The following ACACB variants were observed in gnomAD, a reference collection of about 807,000 sequenced individuals.
ACACB encodes the protein acetyl-CoA carboxylase 2.
ACACB carries 209 observed loss-of-function variants against 278.8 expected under a neutral mutation model. The observed-to-expected ratio is 0.75, with a 90% CI of 0.67 to 0.84. The LOEUF is 0.84. ACACB is among the 40% of genes least tolerant of loss of function. ACACB has a pLI of 0.00. For missense variants in ACACB, 2,850 were observed against 3,269.0 expected, an observed-to-expected ratio of 0.87 and a Z score of 3.13; for synonymous variants, 1,174 against 1,285.6, an observed-to-expected ratio of 0.91 and a Z score of 1.86.
intron 50 of ACACB, among the ~76,000 whole-genome samples, chr12:109,264,744 C>CA (rs1291904417): frequency 6.6e-6 from 1 of 152,110 alleles, no homozygotes; most frequent in Non-Finnish European, 1.5e-5. Context: ...CTCACCATTG[C>CA]AAGGACTCCC....
At chr12:109,181,253 A>C (rs1325318360) in intron 11 of ACACB, among the ~76,000 whole-genome samples, 20 of 132,944 alleles carry the variant, frequency 1.5e-4, no homozygotes, top group African/African-American at 5.3e-4. Context: ...TTTGAGATGC[A>C]GTCTCGCTCT....
Position 109,197,076 on chromosome 12 carries a change from C to G in ACACB, c.2550C>G (p.His850Gln). The G allele has an allele frequency of 6.3e-7, 1 of 1,595,768 alleles. No homozygotes were observed. Among genetic ancestry groups the G allele is most frequent in the South Asian group, 1.1e-5 (1 of 88,002 alleles). ...MNGCHIEIDA[H>Q]RLNDGGLLLS... ...GCTGCCACATCGAGATTGATGCCCA[C>G]CGGCTGAATGATGGGGGGCTCCTGC... The change falls in exon 17 of 53, where the codon CAC becomes CAG. Residue 850 changes from histidine to glutamine, a missense_variant. Transcript: ENST00000338432.
chr12:109,225,272 T>C (rs981516779), intron 27 of ACACB, among the ~76,000 whole-genome samples: 2 of 152,064 alleles, frequency 1.3e-5, no homozygotes, highest in African/African-American at 4.8e-5. Flanking sequence ...GGACTACAGG[T>C]GCATGCCACC....
rs144057436 is a variant in ACACB, at chr12:109,170,212, G to A, written c.926-1593G>A. Reference sequence around the variant, plus strand: ...CCCAAGTAGCTGGGACTTCAGGCATGTACCACCACGACTGGCTAATTTTTG... The same window carrying A: ...CCCAAGTAGCTGGGACTTCAGGCATATACCACCACGACTGGCTAATTTTTG... On this transcript the variant is annotated intron_variant, in intron 4 of 52. Transcript: ENST00000338432. Among the ~76,000 whole-genome samples, 1,387 of 152,136 alleles carry A rather than the reference G, an allele frequency of 9.1e-3. 33 individuals carry two copies. The highest frequency in any genetic ancestry group is 0.031 in the African/African-American group (1,298 of 41,504).
chr12:109,264,458 C>A, intron 50 of ACACB, 72 bp downstream of exon 50: 5 of 1,551,300 alleles, frequency 3.2e-6, no homozygotes, highest in Non-Finnish European at 4.4e-6. Flanking sequence ...GACATTTGGG[C>A]TCGGGGGCGG....
intron 52 of ACACB, among the ~76,000 whole-genome samples, chr12:109,265,826 G>A (rs1036666435): frequency 1.1e-4 from 17 of 152,256 alleles, no homozygotes; most frequent in Admixed American, 5.9e-4. Flanking sequence ...GAGCAGGGTT[G>A]GTCACAGAAC....
At chr12:109,161,199 TC>T (rs1158962447) in intron 2 of ACACB, among the ~76,000 whole-genome samples, 9 of 152,190 alleles carry the variant, frequency 5.9e-5, no homozygotes, top group Non-Finnish European at 8.8e-5. Flanking sequence ...TCAGTCAGAT[TC>T]GCTTTTCATT....
intron 12 of ACACB, among the ~76,000 whole-genome samples, chr12:109,186,122 G>T (rs2044654609): frequency 6.6e-6 from 1 of 151,876 alleles, no homozygotes; most frequent in Non-Finnish European, 1.5e-5. Context: ...GTAGAGACGG[G>T]GTTTCACCAT....
At chr12:109,128,582 GC>G (rs938770323) in intron 1 of ACACB, among the ~76,000 whole-genome samples, 1 of 151,784 alleles carries the variant, frequency 6.6e-6, no homozygotes, top group African/African-American at 2.4e-5. Flanking sequence ...CAAGTGATCT[GC>G]CCCCCTCAGC....
At chr12:109,168,298 G>A (rs982573825) in intron 4 of ACACB, among the ~76,000 whole-genome samples, 2 of 152,110 alleles carry the variant, frequency 1.3e-5, no homozygotes, top group African/African-American at 4.8e-5. Flanking sequence ...AGCAGATTGG[G>A]GGCTGTTTCT....
rs765777312 is a variant in ACACB at position 109,188,049 on chromosome 12, C to G, written c.2031C>G (p.Ser677Arg). Residue 677 changes from serine to arginine, a missense_variant, in exon 13 of 53, where the codon AGC becomes AGG. Physicochemically the swap from Ser to Arg is moderately radical, Grantham distance 110. Coordinates refer to ENST00000338432, the MANE Select transcript of ACACB (RefSeq NM_001093.4). ...GTVQELNFRS[S>R]KNVWGYFSVA... Reference sequence around the variant, plus strand: ...TCCAGGAACTGAATTTCCGGAGCAGCAAGAACGTGTGGGGTTACTTCAGCG... The same window carrying G: ...TCCAGGAACTGAATTTCCGGAGCAGGAAGAACGTGTGGGGTTACTTCAGCG... 17 of 1,613,322 alleles carry G rather than the reference C, an allele frequency of 1.1e-5. No individual in the cohort carries two copies. The highest frequency in any genetic ancestry group is 1.4e-5 in the Non-Finnish European group (17 of 1,179,380).
intron 22 of ACACB, among the ~76,000 whole-genome samples, chr12:109,213,860 A>C (rs1311180377): frequency 1.3e-5 from 2 of 151,602 alleles, no homozygotes; most frequent in African/African-American, 4.8e-5. Flanking sequence ...TCGGCCTCCC[A>C]AAGTGCTGGG....
intron 2 of ACACB, among the ~76,000 whole-genome samples, chr12:109,140,476 G>A (rs2043096516): frequency 1.3e-5 from 2 of 152,104 alleles, no homozygotes; most frequent in East Asian, 3.9e-4. Context: ...GGCCAACATG[G>A]TGAAACTCCG....
chr12:109,259,197 C>T (rs1468655681), intron 47 of ACACB, 89 bp downstream of exon 47: 3 of 1,457,878 alleles, frequency 2.1e-6, no homozygotes, highest in Admixed American at 4.1e-5. Flanking sequence ...ATGTCCTAGT[C>T]TGTGCCCATC....
intron 49 of ACACB, 111 bp from the exon 50 acceptor site, chr12:109,264,121 G>C: frequency 1.6e-6 from 2 of 1,266,768 alleles, no homozygotes; most frequent in Admixed American, 2.1e-5. Flanking sequence ...ACAAGGCAAG[G>C]CCTGTCCTGC....
chr12:109,262,370 G>C lies in ACACB; in HGVS notation c.6688G>C (p.Glu2230Gln). 1 of 1,613,246 alleles carries C rather than the reference G, an allele frequency of 6.2e-7. No homozygotes were observed. Among genetic ancestry groups the C allele is most frequent in the Non-Finnish European group, 8.5e-7 (1 of 1,179,572 alleles). The change falls in exon 49 of 53, where the codon GAA becomes CAA. Residue 2230 changes from glutamate to glutamine, a missense_variant. Transcript: ENST00000338432. ...TTCTCTTTTAAGGGGTGGTGTTCTG[G>C]AACCAGAGGGGACAGTGGAGATTAA... ...ADKESRGGVL[E>Q]PEGTVEIKFR...
intron 37 of ACACB, among the ~76,000 whole-genome samples, chr12:109,242,917 G>A (rs890919882): frequency 6.6e-6 from 1 of 152,080 alleles, no homozygotes; most frequent in African/African-American, 2.4e-5. Context: ...AGTGAGCCAT[G>A]ATGTCACCAC....
At chr12:109,130,015 G>T (rs972061744) in intron 1 of ACACB, among the ~76,000 whole-genome samples, 10 of 152,228 alleles carry the variant, frequency 6.6e-5, no homozygotes, top group African/African-American at 2.4e-4. Context: ...AGGTGAGGTA[G>T]GCGAGGCTGG....
intron 37 of ACACB, among the ~76,000 whole-genome samples, chr12:109,244,685 C>T (rs138947980): frequency 0.013 from 1,987 of 152,032 alleles, 53 homozygotes; most frequent in African/African-American, 0.046. Context: ...CTCAAACTCC[C>T]GGCCTCAGGT....
Sources: allele counts gnomAD v4.1 joint callset (sites outside exome capture counted in the v4.1 genomes callset), GRCh38; gene constraint gnomAD v4.1.1; transcripts MANE v1.5; gene names NCBI Gene and HGNC (gene_info 2026-07-23, HGNC 2026-07-21).